Variants in SMPX observed in about 807,000 individuals in gnomAD.
SMPX encodes small muscle protein X-linked, also known as small muscular protein.
SMPX carries 2 observed loss-of-function variants against 6.3 expected under a neutral mutation model. That is an observed-to-expected ratio of 0.32 (90% CI 0.13 to 0.99). The LOEUF (loss-of-function observed/expected upper bound fraction) is 0.99. Among genes scored for constraint, SMPX ranks in the 50% least tolerant of loss-of-function variants. The pLI is 0.49. For synonymous variants in SMPX, 32 were observed against 24.7 expected (o/e 1.30, Z -0.88); for missense variants, 60 against 66.8 (o/e 0.90, Z 0.36).
intron 3 of SMPX, 60 bp from the exon 4 acceptor site, chrX:21,737,757 A>G (rs924099853): frequency 9.9e-6 from 11 of 1,115,981 alleles, no homozygotes; most frequent in South Asian, 3.7e-5. Context: ...TCTTTGGGCC[A>G]TAAGCATGAA....
chrX:21,739,354 G>A (rs1478234973), intron 3 of SMPX, among the ~76,000 whole-genome samples: 4 of 112,303 alleles, frequency 3.6e-5, no homozygotes, highest in Non-Finnish European at 7.5e-5. Flanking sequence ...CTTCTACTAA[G>A]GGCTAATGGC....
chrX:21,719,077 TG>T (rs2092788513), intron 4 of SMPX, among the ~76,000 whole-genome samples: 1 of 112,230 alleles, frequency 8.9e-6, no homozygotes, highest in Non-Finnish European at 1.9e-5. Context: ...AAAAATTATG[TG>T]CTTCTCCTAG....
chrX:21,706,403 G>T lies in SMPX; in HGVS notation c.*15-9C>A, dbSNP rs1265274118. ...ATTTCTTCACATCAATCCTGAAAAA[G>T]AAAAACCAAAGGAACCATGAGTTTT... is the stretch of plus-strand genomic sequence containing the variant. On this transcript the variant is annotated splice_polypyrimidine_tract_variant and intron_variant, in intron 4 of 4. Transcript: ENST00000379494. The T allele has an allele frequency of 2.7e-6, 1 of 366,118 alleles. No individual in the cohort carries two copies. Among genetic ancestry groups the T allele is most frequent in the East Asian group, 5.6e-5 (1 of 17,939 alleles). 30.2% of individuals were successfully genotyped at this position (366,118 alleles called of 1,213,427 possible). A position where few individuals can be genotyped will look rare whatever the true frequency, so the allele number is the denominator to read the frequency against.
intron 4 of SMPX, among the ~76,000 whole-genome samples, chrX:21,706,696 T>C (rs2092773305): frequency 9.0e-6 from 1 of 111,175 alleles, no homozygotes; most frequent in South Asian, 3.9e-4. Context: ...AAATCTCATC[T>C]TGAATTGTAA....
intron 4 of SMPX, among the ~76,000 whole-genome samples, chrX:21,731,654 GTGTGTA>G (rs763870660): frequency 1.1e-3 from 107 of 97,695 alleles, no homozygotes; most frequent in African/African-American, 3.7e-3. Flanking sequence ...GTACACATAA[GTGTGTA>G]TGTGTATGTG....
chrX:21,725,271 C>T (rs1424818599), intron 4 of SMPX, among the ~76,000 whole-genome samples: 4 of 112,125 alleles, frequency 3.6e-5, no homozygotes, highest in Non-Finnish European at 7.5e-5. Flanking sequence ...ACATTGAGAT[C>T]GACATAGCTC....
intron 3 of SMPX, among the ~76,000 whole-genome samples, chrX:21,737,965 T>A (rs2092812266): frequency 8.9e-6 from 1 of 112,236 alleles, no homozygotes; most frequent in Admixed American, 9.5e-5. Context: ...CAACTTCTGA[T>A]AACTAACAAA....
At chrX:21,715,798 G>T (rs913539779) in intron 4 of SMPX, among the ~76,000 whole-genome samples, 4 of 111,561 alleles carry the variant, frequency 3.6e-5, no homozygotes, top group Non-Finnish European at 7.5e-5. Flanking sequence ...AATCAGGAAG[G>T]AGAGGGTACT....
chrX:21,757,397 T>C (rs1411106432), intron 1 of SMPX, among the ~76,000 whole-genome samples: 1 of 111,567 alleles, frequency 9.0e-6, no homozygotes, highest in Non-Finnish European at 1.9e-5. Context: ...CTGCTGAGTA[T>C]GGGAATACTG....
At chrX:21,746,306 T>C (rs1024527583) in intron 2 of SMPX, among the ~76,000 whole-genome samples, 2 of 111,542 alleles carry the variant, frequency 1.8e-5, no homozygotes, top group Admixed American at 1.9e-4. Flanking sequence ...CTCAGAGAGG[T>C]TAATTCTCTC....
intron 4 of SMPX, among the ~76,000 whole-genome samples, chrX:21,721,510 G>C (rs1249250496): frequency 8.9e-6 from 1 of 112,464 alleles, no homozygotes; most frequent in African/African-American, 3.2e-5. Flanking sequence ...AAAGATTTCA[G>C]TCTAGTTCAT....
intron 3 of SMPX, 115 bp from the exon 4 acceptor site, chrX:21,737,812 T>C (rs2147387205): frequency 1.4e-6 from 1 of 705,358 alleles, no homozygotes; most frequent in East Asian, 3.5e-5. Context: ...AGTGTGATTC[T>C]AGCAGAGTGA....
chrX:21,753,314 G>A (rs781232419), intron 2 of SMPX, among the ~76,000 whole-genome samples: 8 of 111,653 alleles, frequency 7.2e-5, no homozygotes, highest in Admixed American at 9.5e-5. Flanking sequence ...CTCCACCAGC[G>A]GTGTGTGCTA....
intron 4 of SMPX, among the ~76,000 whole-genome samples, chrX:21,715,875 G>A (rs757221661): frequency 1.8e-5 from 2 of 111,365 alleles, no homozygotes; most frequent in East Asian, 2.8e-4. Context: ...AACGGCCCCA[G>A]TAACAGAGTT....
At chrX:21,737,314 T>A (rs1323511790) in intron 4 of SMPX, among the ~76,000 whole-genome samples, 1 of 111,779 alleles carries the variant, frequency 8.9e-6, no homozygotes, top group Admixed American at 9.5e-5. Flanking sequence ...CTAAGAAGGA[T>A]GATCAGAAAG....
intron 4 of SMPX, among the ~76,000 whole-genome samples, chrX:21,736,042 C>T (rs1411652555): frequency 2.7e-5 from 3 of 112,159 alleles, no homozygotes; most frequent in Middle Eastern, 4.6e-3. Flanking sequence ...CTCTGTTTTA[C>T]TCTTACTCCT....
intron 3 of SMPX, among the ~76,000 whole-genome samples, chrX:21,741,911 C>G (rs1230008444): frequency 2.7e-5 from 3 of 112,451 alleles, no homozygotes; most frequent in Non-Finnish European, 5.6e-5. Context: ...GGTGTTCACA[C>G]ACCAAGCTGT....
intron 4 of SMPX, among the ~76,000 whole-genome samples, chrX:21,717,203 T>C (rs193151087): frequency 8.9e-6 from 1 of 112,136 alleles, no homozygotes; most frequent in Admixed American, 9.4e-5. Context: ...AATTTAATCA[T>C]GGGAATGGTT....
chrX:21,747,839 C>T (rs2092823145), intron 2 of SMPX, among the ~76,000 whole-genome samples: 1 of 111,701 alleles, frequency 9.0e-6, no homozygotes, highest in South Asian at 3.8e-4. Flanking sequence ...TGACCCCCTA[C>T]TGATTCAATC....
Sources: allele counts gnomAD v4.1 joint callset (sites outside exome capture counted in the v4.1 genomes callset), GRCh38; gene constraint gnomAD v4.1.1; transcripts MANE v1.5; gene names NCBI Gene and HGNC (gene_info 2026-07-23, HGNC 2026-07-21).